The following NPHP3 variants were observed in gnomAD, a reference collection of about 807,000 sequenced individuals.
The protein encoded by NPHP3 is nephrocystin-3.
NPHP3 carries 123 observed loss-of-function variants against 171.9 expected under a neutral mutation model. The observed-to-expected ratio is 0.72, with a 90% CI of 0.62 to 0.83. NPHP3 has a LOEUF of 0.83. Among genes scored for constraint, NPHP3 ranks in the 40% least tolerant of loss-of-function variants. NPHP3 has a pLI of 0.00. For missense variants in NPHP3, 1,506 were observed against 1,591.9 expected, an observed-to-expected ratio of 0.95 and a Z score of 0.92; for synonymous variants, 558 against 579.2, an observed-to-expected ratio of 0.96 and a Z score of 0.52.
In NPHP3 at chr3:132,697,375, G is replaced by A; in HGVS notation, c.1986-13C>T. The A allele has an allele frequency of 1.3e-6, 2 of 1,552,694 alleles. No homozygotes were observed. Among genetic ancestry groups the A allele is most frequent in the Non-Finnish European group, 1.8e-6 (2 of 1,128,580 alleles). On this transcript the variant is annotated splice_polypyrimidine_tract_variant and intron_variant, in intron 13 of 26. Transcript: ENST00000337331. ...TGTAGGCCACAACCTTTTATGTAAA[G>A]AAAAGAAAAATGAAATTTTAATAAT... is the stretch of plus-strand genomic sequence containing the variant.
rs567070832 is a variant in NPHP3, at chr3:132,722,049, C to T, written c.307G>A (p.Val103Ile). ...GACAACAACTCCTGGTTCTTGCTGA[C>T]GCGAAAGATCTCGTACTCCTTCCTG... is the stretch of plus-strand genomic sequence containing the variant. ...RLRKEYEIFR[V>I]SKNQELLSMG... Residue 103 changes from valine to isoleucine, a missense_variant, in exon 1 of 27, where the codon GTC becomes ATC. Coordinates refer to ENST00000337331, the MANE Select transcript of NPHP3 (RefSeq NM_153240.5). The T allele has an allele frequency of 4.3e-6, 7 of 1,613,122 alleles. No individual in the cohort carries two copies. The African/African-American group carries it at 8.0e-5, about 18-fold the overall frequency.
intron 23 of NPHP3, chr3:132,684,996 T>C (rs768684354): frequency 5.3e-6 from 3 of 570,906 alleles, no homozygotes; most frequent in Non-Finnish European, 9.2e-6. Flanking sequence ...GGGCCTAAAA[T>C]GTGTGGATGA....
In NPHP3 at chr3:132,708,150, T is replaced by C; in HGVS notation, c.1226A>G (p.Gln409Arg). Residue 409 changes from glutamine to arginine, a missense_variant, in exon 7 of 27, where the codon CAG becomes CGG. This residue lies in a region of NPHP3 where 930 missense variants were observed against 924.9 expected (regional missense o/e 1.01). Coordinates refer to ENST00000337331, the MANE Select transcript of NPHP3 (RefSeq NM_153240.5). The part of the protein sequence containing the change: ...EDGKVSSDSV[Q>R]QLIDQVSNLN... ...ATTAGAAACTTGATCAATCAATTGC[T>C]GGACAGAGTCAGAACTGACTTTTCC... 2 of 1,614,240 alleles carry C rather than the reference T, an allele frequency of 1.2e-6. No individual in the cohort carries two copies. The highest frequency in any genetic ancestry group is 8.5e-7 in the Non-Finnish European group (1 of 1,180,024).
chr3:132,686,032 G>C lies in NPHP3; in HGVS notation c.3329+228C>G, dbSNP rs184499699. On this transcript the variant is annotated intron_variant, in intron 23 of 26. Coordinates refer to ENST00000337331, the MANE Select transcript of NPHP3 (RefSeq NM_153240.5). ...CCACTGCACTCCAGCCTGGGCAACA[G>C]AGCGAGACTCCGTCTCAAAAAAAAA... The C allele has an allele frequency of 5.2e-4, 222 of 430,508 alleles. 1 individual carries two copies. Among genetic ancestry groups the C allele is most frequent in the African/African-American group, 3.5e-3 (171 of 48,496 alleles). The allele number at this position is 430,508 out of a possible 1,614,324, so 26.7% of individuals were successfully genotyped here. A position where few individuals can be genotyped will look rare whatever the true frequency, so the allele number is the denominator to read the frequency against.
chr3:132,722,191 G>C lies in NPHP3; in HGVS notation c.165C>G (p.Ala55=), dbSNP rs1254695356. 3 of 1,511,656 alleles carry C rather than the reference G, an allele frequency of 2.0e-6. No individual in the cohort carries two copies. The highest frequency in any genetic ancestry group is 4.2e-5 in the Admixed American group (2 of 47,174). The allele number at this position is 1,511,656 out of a possible 1,614,324, so 93.6% of individuals were successfully genotyped here. A position where few individuals can be genotyped will look rare whatever the true frequency, so the allele number is the denominator to read the frequency against. Residue 55 remains alanine, a synonymous_variant, in exon 1 of 27, where the codon GCC becomes GCG. Coordinates refer to ENST00000337331, the MANE Select transcript of NPHP3 (RefSeq NM_153240.5). ...CCCCGCGGGGCAGCGACCCGGGCCC[G>C]GCCCCTGCTGCCGCCCCCGCGCCTC... ...FRRGAGAAAG[A]GPGSLPRGVG...
At chr3:132,712,417 T>C (rs745840556) in intron 6 of NPHP3, 10 of 456,834 alleles carry the variant, frequency 2.2e-5, no homozygotes, top group Non-Finnish European at 3.5e-5. Flanking sequence ...GTAGGACACA[T>C]GGTTTCTGTT....
rs1186902512 is a variant in NPHP3, at chr3:132,682,006, A to G, written c.3897T>C (p.Gly1299=). 1 of 1,614,000 alleles carries G rather than the reference A, an allele frequency of 6.2e-7. No individual in the cohort carries two copies. The highest frequency in any genetic ancestry group is 8.5e-7 in the Non-Finnish European group (1 of 1,179,882). The change falls in exon 27 of 27, where the codon GGT becomes GGC. Residue 1299 remains glycine, a synonymous_variant. Coordinates refer to ENST00000337331, the MANE Select transcript of NPHP3 (RefSeq NM_153240.5). ...ATGAATGGCGTGAAGGAGCTTTTCC[A>G]CCCAAGAGTGATGTTTCTGCTTCTT... ...EIKEAETSLL[G]GKAPSRHSSS...
At chr3:132,697,928 C>T (rs920859139) in intron 13 of NPHP3, among the ~76,000 whole-genome samples, 17 of 151,640 alleles carry the variant, frequency 1.1e-4, no homozygotes, top group African/African-American at 4.1e-4. Context: ...TAAAATGGCT[C>T]CTTATAGGAG....
chr3:132,686,091 A>G (rs1325575063), intron 23 of NPHP3, 169 bp downstream of exon 23: 1 of 636,088 alleles, frequency 1.6e-6, no homozygotes, highest in Non-Finnish European at 2.7e-6. Context: ...AGTAGAGAAA[A>G]TGCCATGGTC....
chr3:132,691,573 T>G (rs1939301018), intron 17 of NPHP3, among the ~76,000 whole-genome samples: 2 of 152,074 alleles, frequency 1.3e-5, no homozygotes, highest in Non-Finnish European at 2.9e-5. Flanking sequence ...AAAGAATAAA[T>G]TATATTCAAA....
Position 132,722,096 on chromosome 3 carries a change from G to C in NPHP3, c.260C>G (p.Ala87Gly), listed in dbSNP as rs886058005. The stretch of plus-strand genomic sequence containing the variant: ...CCTGAGCCGCTCGTACTCGGCCGCC[G>C]CGTACTCCAGCTCTGGCACCGACGA... ...TGSSVPELEY[A>G]AAEYERLRKE... Residue 87 changes from alanine to glycine, a missense_variant, in exon 1 of 27, where the codon GCG (alanine) becomes GGG (glycine). Ala to Gly is a moderately conservative substitution (Grantham distance 60, BLOSUM62 0). Transcript: ENST00000337331. 2.5e-6 allele frequency: 4 copies of C among 1,609,064 alleles called. No individual in the cohort carries two copies. Among genetic ancestry groups the C allele is most frequent in the Non-Finnish European group, 3.4e-6 (4 of 1,179,752 alleles).
intron 6 of NPHP3, among the ~76,000 whole-genome samples, chr3:132,709,160 C>T (rs144028154): frequency 5.9e-5 from 9 of 151,464 alleles, no homozygotes; most frequent in African/African-American, 2.2e-4. Context: ...CAAAAAACAA[C>T]TTTGTTATAG....
chr3:132,682,177 C>T, intron 26 of NPHP3, 87 bp from the exon 27 acceptor site: 1 of 1,276,506 alleles, frequency 7.8e-7, no homozygotes, highest in Non-Finnish European at 1.1e-6. Flanking sequence ...GAAAAAGAAG[C>T]TGTAAATATT....
intron 19 of NPHP3, among the ~76,000 whole-genome samples, chr3:132,689,636 A>G (rs1017765598): frequency 2.0e-5 from 3 of 152,236 alleles, no homozygotes; most frequent in Non-Finnish European, 4.4e-5. Context: ...ATTTCACAAT[A>G]TGGAGCCAAC....
At chr3:132,719,877 C>T (rs767686200) in intron 1 of NPHP3, 47 bp from the exon 2 acceptor site, 4 of 1,252,256 alleles carry the variant, frequency 3.2e-6, no homozygotes, top group Non-Finnish European at 4.4e-6. Context: ...AGTCTTGCTC[C>T]TCAATTTTAC....
At chr3:132,710,116 T>C (rs1446121431) in intron 6 of NPHP3, among the ~76,000 whole-genome samples, 1 of 152,164 alleles carries the variant, frequency 6.6e-6, no homozygotes, top group Admixed American at 6.5e-5. Flanking sequence ...TGAAGTTAGA[T>C]AGTATAACAG....
At chr3:132,687,007 T>C (rs1162414760) in intron 22 of NPHP3, 144 bp downstream of exon 22, 2 of 571,214 alleles carry the variant, frequency 3.5e-6, no homozygotes, top group Admixed American at 6.4e-5. Context: ...TTTTAACACA[T>C]AAATAAGAAA....
chr3:132,713,086 G>C (rs1560014052), intron 6 of NPHP3, 40 bp downstream of exon 6: 1 of 1,135,426 alleles, frequency 8.8e-7, no homozygotes, highest in Admixed American at 2.3e-5. Flanking sequence ...TCTATTTACA[G>C]TTTACTGCTT....
In NPHP3 at chr3:132,697,362, C is replaced by A. The variant is rs77533254; in HGVS notation, c.1986G>T (p.Arg662Ser). 11 of 1,593,464 alleles carry A rather than the reference C, an allele frequency of 6.9e-6. No homozygotes were observed. The highest frequency in any genetic ancestry group is 9.5e-6 in the Non-Finnish European group (11 of 1,163,830). The part of the protein sequence containing the change: ...VNVETCPPAW[R>S]LWPTLHLDPL... ...GATCAAGATGAAGTGTAGGCCACAA[C>A]CTTTTATGTAAAGAAAAGAAAAATG... The change falls in exon 14 of 27, where the codon AGG becomes AGT. Residue 662 changes from arginine (R) to serine (S), a missense_variant and splice_region_variant. Arg to Ser is a moderately radical substitution (Grantham distance 110). Transcript: ENST00000337331.
Sources: gnomAD v4.1 joint callset for allele counts (sites outside exome capture counted in the v4.1 genomes callset) on GRCh38, gnomAD v4.1.1 for gene constraint, gnomAD v4.1.1 regional missense constraint, MANE v1.5 for transcripts, NCBI Gene and HGNC (gene_info 2026-07-23, HGNC 2026-07-21) for gene names.